Variants in APBA2 observed in about 807,000 individuals in gnomAD.
APBA2 encodes the protein amyloid-beta A4 precursor protein-binding family A member 2.
In APBA2, 30 loss-of-function variants were observed where a neutral mutation model predicts 75.0. That is an observed-to-expected ratio of 0.40 (90% CI 0.30 to 0.54). The LOEUF (loss-of-function observed/expected upper bound fraction) is 0.54. Ranked by LOEUF, APBA2 falls within the 20% of genes least tolerant of loss-of-function variation. APBA2 has a pLI of 0.49. For synonymous variants in APBA2, 444 were observed against 409.6 expected, an observed-to-expected ratio of 1.08 and a Z score of -1.01; for missense variants, 801 against 1,016.1, an observed-to-expected ratio of 0.79 and a Z score of 2.88.
In APBA2 at chr15:29,073,512, G is replaced by A. The variant is rs140432536; in HGVS notation, c.952-1409G>A. Among the ~76,000 whole-genome samples the A allele has an allele frequency of 4.4e-3, 668 of 152,164 alleles. 6 individuals are homozygous for A. Among genetic ancestry groups the A allele is most frequent in the African/African-American group, 0.015 (621 of 41,518 alleles). On this transcript the variant is annotated intron_variant, in intron 4 of 14. Coordinates refer to ENST00000683413, the MANE Select transcript of APBA2 (RefSeq NM_001353788.2). The stretch of plus-strand genomic sequence containing the variant: ...ATTACAGGCATCCACCACCATGCCC[G>A]GCTAATTTTTTGTATTTTTAGTAGA...
intron 4 of APBA2, among the ~76,000 whole-genome samples, chr15:29,072,057 C>T (rs1471332761): frequency 1.3e-5 from 2 of 152,170 alleles, no homozygotes; most frequent in African/African-American, 4.8e-5. Flanking sequence ...TGTTGTGTCC[C>T]CCAACCCCTG....
chr15:29,056,544 C>G (rs902908268), intron 4 of APBA2, among the ~76,000 whole-genome samples: 1 of 147,734 alleles, frequency 6.8e-6, no homozygotes, highest in Admixed American at 6.8e-5. Context: ...TCCCTCCTTT[C>G]TGTCCTTTCC....
chr15:28,948,262 C>T (rs763939713), intron 2 of APBA2, among the ~76,000 whole-genome samples: 2 of 152,174 alleles, frequency 1.3e-5, no homozygotes, highest in African/African-American at 2.4e-5. Flanking sequence ...GCTGAGGCCA[C>T]GGCGCTTTCT....
rs146012910 is a variant in APBA2 at position 29,005,496 on chromosome 15, G to A, written c.-41+9690G>A. On this transcript the variant is annotated intron_variant, in intron 3 of 14. Coordinates refer to ENST00000683413, the MANE Select transcript of APBA2 (RefSeq NM_001353788.2). ...AGACTGGTCTTAAACTCCTGAGCTC[G>A]GGCAGTCCTCCCTCCTTGGCCTCCG... Among the ~76,000 whole-genome samples the A allele has an allele frequency of 3.0e-3, 458 of 152,052 alleles. 1 individual carries two copies. The highest frequency in any genetic ancestry group is 0.01 in the African/African-American group (433 of 41,464).
chr15:29,005,687 C>T (rs1204804883), intron 3 of APBA2, among the ~76,000 whole-genome samples: 1 of 152,016 alleles, frequency 6.6e-6, no homozygotes, highest in Non-Finnish European at 1.5e-5. Flanking sequence ...CAACATGGTG[C>T]AACCCCATCT....
intron 11 of APBA2, among the ~76,000 whole-genome samples, chr15:29,105,811 TATC>T (rs1311249158): frequency 2.0e-5 from 3 of 152,358 alleles, no homozygotes; most frequent in South Asian, 2.1e-4. Context: ...ATGCTGCTAT[TATC>T]ATCAACCAGC....
At chr15:29,051,201 T>C (rs570855750) in intron 3 of APBA2, among the ~76,000 whole-genome samples, 9 of 152,352 alleles carry the variant, frequency 5.9e-5, no homozygotes, top group Non-Finnish European at 1.0e-4. Flanking sequence ...CTCAGTGTTC[T>C]TGATGTGTCC....
intron 1 of APBA2, among the ~76,000 whole-genome samples, chr15:28,920,882 G>A (rs1032704497): frequency 1.1e-4 from 17 of 152,168 alleles, no homozygotes; most frequent in Admixed American, 8.5e-4. Flanking sequence ...TTCTCAGGAT[G>A]TCAGTGGCAG....
intron 1 of APBA2, among the ~76,000 whole-genome samples, chr15:28,916,465 T>C (rs1272304355): frequency 2.0e-5 from 3 of 152,362 alleles, no homozygotes; most frequent in African/African-American, 7.2e-5. Flanking sequence ...TACACATATC[T>C]TTAATAAAGT....
chr15:28,940,460 G>A (rs923924061), intron 2 of APBA2, among the ~76,000 whole-genome samples: 1 of 117,436 alleles, frequency 8.5e-6, no homozygotes, highest in Non-Finnish European at 1.5e-5. Flanking sequence ...GGAGAATGGC[G>A]TGAACCCGGG....
chr15:28,955,557 G>C (rs2036121719), intron 2 of APBA2, among the ~76,000 whole-genome samples: 1 of 152,206 alleles, frequency 6.6e-6, no homozygotes, highest in Non-Finnish European at 1.5e-5. Context: ...TGTTATTGTA[G>C]TTGCTCACCT....
intron 3 of APBA2, among the ~76,000 whole-genome samples, chr15:29,040,944 T>C (rs2041007168): frequency 6.6e-6 from 1 of 151,966 alleles, no homozygotes; most frequent in Non-Finnish European, 1.5e-5. Flanking sequence ...GACTTTAAAG[T>C]GACTGTTATA....
Position 29,117,477 on chromosome 15 carries a change from C to T in APBA2, c.*344C>T. ...CCTCCCTGAAGCTGTGCGGAGCGAA[C>T]TGGCGCCTCCGAGGGACGCGGCTCC... is the stretch of plus-strand genomic sequence containing the variant. On this transcript the variant is annotated 3_prime_UTR_variant, in exon 15 of 15. Transcript: ENST00000683413. 1 of 338,816 alleles carries T rather than the reference C, an allele frequency of 3.0e-6. No individual in the cohort carries two copies. Among genetic ancestry groups the T allele is most frequent in the South Asian group, 3.1e-5 (1 of 32,308 alleles). 21.0% of individuals were successfully genotyped at this position (338,816 alleles called of 1,614,324 possible). A position where few individuals can be genotyped will look rare whatever the true frequency, so the allele number is the denominator to read the frequency against.
At chr15:28,937,838 TGGTAGAGAC>T (rs920519500) in intron 2 of APBA2, among the ~76,000 whole-genome samples, 2 of 152,070 alleles carry the variant, frequency 1.3e-5, no homozygotes, top group Non-Finnish European at 2.9e-5. Flanking sequence ...TTTGTATTTT[TGGTAGAGAC>T]GGGGTTTGAC....
intron 4 of APBA2, among the ~76,000 whole-genome samples, chr15:29,061,362 A>G (rs912034296): frequency 1.3e-5 from 2 of 152,208 alleles, no homozygotes; most frequent in South Asian, 2.1e-4. Context: ...CAGGACCTCC[A>G]TGGCTACCGA....
intron 2 of APBA2, among the ~76,000 whole-genome samples, chr15:28,927,746 G>A (rs978263417): frequency 6.6e-6 from 1 of 151,790 alleles, no homozygotes; most frequent in Non-Finnish European, 1.5e-5. Context: ...TTCTTTGTGT[G>A]CATGTGTGTT....
intron 1 of APBA2, among the ~76,000 whole-genome samples, chr15:28,911,099 G>A (rs1463659273): frequency 1.3e-5 from 2 of 152,326 alleles, no homozygotes; most frequent in Non-Finnish European, 2.9e-5. Context: ...ATAAGAAGAT[G>A]TGATTTTAAT....
At chr15:29,045,670 G>A (rs60895983) in intron 3 of APBA2, among the ~76,000 whole-genome samples, 4 of 152,090 alleles carry the variant, frequency 2.6e-5, no homozygotes, top group Admixed American at 6.5e-5. Flanking sequence ...GTAAGGTCTC[G>A]GCTATGCAAA....
intron 6 of APBA2, among the ~76,000 whole-genome samples, chr15:29,089,319 T>C (rs1321788291): frequency 2.0e-5 from 3 of 152,238 alleles, no homozygotes; most frequent in Admixed American, 6.5e-5. Context: ...CTTCATGGCG[T>C]GGTTGAGGAC....
Sources: allele counts gnomAD v4.1 joint callset (sites outside exome capture counted in the v4.1 genomes callset), GRCh38; gene constraint gnomAD v4.1.1; transcripts MANE v1.5; gene names NCBI Gene and HGNC (gene_info 2026-07-23, HGNC 2026-07-21).